The following LRP1B variants were observed in gnomAD, a reference collection of about 807,000 sequenced individuals.
LRP1B encodes the protein low-density lipoprotein receptor-related protein 1B.
LRP1B carries 217 observed loss-of-function variants against 556.6 expected under a neutral mutation model. That is an observed-to-expected ratio of 0.39 (90% CI 0.35 to 0.44). The LOEUF (loss-of-function observed/expected upper bound fraction) is 0.44. Among genes scored for constraint, LRP1B ranks in the 20% least tolerant of loss-of-function variants. The pLI is 1.00. For synonymous variants in LRP1B, 2,047 were observed against 1,865.8 expected (o/e 1.10, Z -2.50); for missense variants, 5,053 against 5,620.8 (o/e 0.90, Z 3.23).
intron 3 of LRP1B, among the ~76,000 whole-genome samples, chr2:141,474,406 C>G (rs62166301): frequency 0.59 from 68,690 of 115,864 alleles, 15,744 homozygotes; most frequent in Non-Finnish European, 0.66. Context: ...AAATCACCCC[C>G]AGGATTTTTT....
chr2:140,992,312 T>A (rs937204383), intron 16 of LRP1B, among the ~76,000 whole-genome samples: 2 of 152,070 alleles, frequency 1.3e-5, no homozygotes, highest in Non-Finnish European at 2.9e-5. Context: ...AATGACTGAT[T>A]AGAAATTTTA....
chr2:140,659,423 G>T (rs1210914271), intron 41 of LRP1B, among the ~76,000 whole-genome samples: 1 of 151,956 alleles, frequency 6.6e-6, no homozygotes, highest in African/African-American at 2.4e-5. Context: ...GGAGTGGAAA[G>T]CTACTAAAGG....
chr2:140,947,758 G>A (rs556398166), intron 20 of LRP1B, among the ~76,000 whole-genome samples: 4 of 152,222 alleles, frequency 2.6e-5, no homozygotes, highest in South Asian at 4.1e-4. Context: ...TATTCACCAC[G>A]TAGAATATTT....
rs1307403580 is a variant in LRP1B, at chr2:140,769,251, G to C, written c.5720C>G (p.Ser1907Ter). ...SDKMDALMPI[S>*]GTSFAVGIDF... ...TATTCCCACGGCAAATGAAGTTCCT[G>C]ATATAGGCATCAAAGCATCCATTTT... Residue 1907 changes from serine (S) to a stop codon, truncating the protein, a stop_gained, in exon 35 of 91, where the codon TCA (serine) becomes TGA (stop). Transcript: ENST00000389484. LOFTEE classifies it high-confidence loss of function. 1 of 1,612,046 alleles carries C rather than the reference G, an allele frequency of 6.2e-7. No individual in the cohort carries two copies. The highest frequency in any genetic ancestry group is 8.5e-7 in the Non-Finnish European group (1 of 1,178,734).
intron 3 of LRP1B, among the ~76,000 whole-genome samples, chr2:141,375,531 C>T (rs191220182): frequency 4.6e-5 from 7 of 152,054 alleles, no homozygotes; most frequent in Admixed American, 2.0e-4. Flanking sequence ...ATGTCTTGGG[C>T]GGGCTACTCT....
At chr2:142,121,724 T>A (rs1447419906) in intron 1 of LRP1B, among the ~76,000 whole-genome samples, 3 of 152,168 alleles carry the variant, frequency 2.0e-5, no homozygotes, top group Non-Finnish European at 2.9e-5. Context: ...TTCTGTCTCC[T>A]CTTGCACTAA....
At chr2:141,490,055 C>T (rs189944513) in intron 2 of LRP1B, among the ~76,000 whole-genome samples, 144 of 152,214 alleles carry the variant, frequency 9.5e-4, no homozygotes, top group Non-Finnish European at 1.5e-3. Flanking sequence ...ACCCTTTAGC[C>T]ATCTCTGACA....
At chr2:141,927,903 CA>C (rs5834879) in intron 1 of LRP1B, among the ~76,000 whole-genome samples, 120 of 111,172 alleles carry the variant, frequency 1.1e-3, no homozygotes, top group African/African-American at 3.7e-3. Flanking sequence ...CTTGGCTTTA[CA>C]AAAAAAAAAA....
At chr2:141,155,482 T>A (rs549318816) in intron 7 of LRP1B, among the ~76,000 whole-genome samples, 1 of 150,904 alleles carries the variant, frequency 6.6e-6, no homozygotes, top group African/African-American at 2.4e-5. Context: ...TTCTTTTTAT[T>A]ATTATTTTTT....
At chr2:141,456,633 G>T (rs1330800642) in intron 3 of LRP1B, among the ~76,000 whole-genome samples, 1 of 152,156 alleles carries the variant, frequency 6.6e-6, no homozygotes, top group Non-Finnish European at 1.5e-5. Context: ...GCTGCAATAA[G>T]ATATGAAATG....
At chr2:140,962,152 G>A (rs557156214) in intron 18 of LRP1B, among the ~76,000 whole-genome samples, 1 of 152,310 alleles carries the variant, frequency 6.6e-6, no homozygotes, top group African/African-American at 2.4e-5. Context: ...CAGTGCTACT[G>A]TATAAGAATT....
intron 79 of LRP1B, among the ~76,000 whole-genome samples, chr2:140,332,243 T>C (rs1369510864): frequency 6.6e-6 from 1 of 152,110 alleles, no homozygotes; most frequent in African/African-American, 2.4e-5. Flanking sequence ...TCTGCTGTTA[T>C]AAAACACGAC....
Position 141,541,341 on chromosome 2 carries a change from G to A in LRP1B, c.206-60808C>T, listed in dbSNP as rs16846436. Among the ~76,000 whole-genome samples, 1,217 of 152,088 alleles carry A rather than the reference G, an allele frequency of 8.0e-3. 22 individuals carry two copies. Among genetic ancestry groups the A allele is most frequent in the African/African-American group, 0.025 (1,046 of 41,550 alleles). On this transcript the variant is annotated intron_variant, in intron 2 of 90. Transcript: ENST00000389484. ...TTTTAAACATGCTTTGGAAGAATAA[G>A]ACAGATGAAATTATTCTGCCTGTAG...
intron 3 of LRP1B, among the ~76,000 whole-genome samples, chr2:141,336,917 G>A (rs1687867628): frequency 6.6e-6 from 1 of 152,040 alleles, no homozygotes; most frequent in Non-Finnish European, 1.5e-5. Context: ...CTATTACATG[G>A]ATGTGCCACT....
chr2:141,726,917 A>T lies in LRP1B; in HGVS notation c.205+83362T>A, dbSNP rs79321060. Among the ~76,000 whole-genome samples, 322 of 152,234 alleles carry T rather than the reference A, an allele frequency of 2.1e-3. 5 individuals are homozygous for T. The East Asian group carries it at 0.047, about 22-fold the overall frequency. ...TTTGAAGGATGAGCAGGTATTTGGT[A>T]AAACTAGCATGTATTCTAATTTAGA... On this transcript the variant is annotated intron_variant, in intron 2 of 90. Transcript: ENST00000389484.
At chr2:140,323,170 A>C (rs1473142740) in intron 81 of LRP1B, among the ~76,000 whole-genome samples, 2 of 151,978 alleles carry the variant, frequency 1.3e-5, no homozygotes, top group Non-Finnish European at 2.9e-5. Flanking sequence ...CAGCATCTTG[A>C]AGAGCGAACT....
intron 41 of LRP1B, among the ~76,000 whole-genome samples, chr2:140,617,519 G>A (rs1683300032): frequency 6.6e-6 from 1 of 151,876 alleles, no homozygotes; most frequent in Non-Finnish European, 1.5e-5. Flanking sequence ...TTTGATGCTA[G>A]GGATATTTCT....
At chr2:141,750,015 G>C (rs1204327623) in intron 2 of LRP1B, among the ~76,000 whole-genome samples, 1 of 152,108 alleles carries the variant, frequency 6.6e-6, no homozygotes, top group East Asian at 1.9e-4. Context: ...GCAAACTAAA[G>C]ACCAGTTTAG....
At chr2:141,164,829 T>C (rs183209032) in intron 7 of LRP1B, among the ~76,000 whole-genome samples, 54 of 152,182 alleles carry the variant, frequency 3.5e-4, no homozygotes, top group African/African-American at 1.3e-3. Context: ...AGAAATATAG[T>C]AGCAGCTGGT....
Sources: allele counts gnomAD v4.1 joint callset (sites outside exome capture counted in the v4.1 genomes callset), GRCh38; gene constraint gnomAD v4.1.1; transcripts MANE v1.5; gene names NCBI Gene and HGNC (gene_info 2026-07-23, HGNC 2026-07-21).